PLCL1: variants seen among roughly 807,000 people sequenced by gnomAD.
PLCL1 encodes phospholipase C like 1 (inactive).
In PLCL1, 41 loss-of-function variants were observed where a neutral mutation model predicts 84.4. The observed-to-expected ratio is 0.49, with a 90% CI of 0.38 to 0.63. The LOEUF is 0.63. PLCL1 is among the 30% of genes least tolerant of loss of function. The pLI, the probability that PLCL1 is intolerant of heterozygous loss-of-function variation, is 0.00. For missense variants in PLCL1, 1,206 were observed against 1,367.8 expected, an observed-to-expected ratio of 0.88 and a Z score of 1.87; for synonymous variants, 490 against 488.3, an observed-to-expected ratio of 1.00 and a Z score of -0.05.
chr2:197,913,889 T>C (rs770247666), intron 1 of PLCL1, among the ~76,000 whole-genome samples: 3 of 152,042 alleles, frequency 2.0e-5, no homozygotes, highest in Non-Finnish European at 2.9e-5. Flanking sequence ...TTTATATATA[T>C]ATATATATTT....
At chr2:197,963,302 A>G (rs897025177) in intron 1 of PLCL1, among the ~76,000 whole-genome samples, 1 of 152,142 alleles carries the variant, frequency 6.6e-6, no homozygotes, top group African/African-American at 2.4e-5. Context: ...ATGATATCTC[A>G]TTGTAGTTTT....
intron 1 of PLCL1, among the ~76,000 whole-genome samples, chr2:197,875,405 G>T (rs150039993): frequency 8.1e-4 from 123 of 152,248 alleles, no homozygotes; most frequent in Admixed American, 2.0e-3. Context: ...GACATTTGTT[G>T]CTTTTGAAAG....
At chr2:197,920,672 G>C (rs1688683850) in intron 1 of PLCL1, among the ~76,000 whole-genome samples, 1 of 152,132 alleles carries the variant, frequency 6.6e-6, no homozygotes, top group Non-Finnish European at 1.5e-5. Context: ...AGTGTAAAAA[G>C]ATACACCTGC....
intron 1 of PLCL1, among the ~76,000 whole-genome samples, chr2:198,019,305 CA>C (rs1691077511): frequency 6.6e-6 from 1 of 152,080 alleles, no homozygotes; most frequent in Admixed American, 6.5e-5. Context: ...GTGAAAATTC[CA>C]AAAATCAGAA....
chr2:197,987,785 T>C (rs1166900062), intron 1 of PLCL1, among the ~76,000 whole-genome samples: 1 of 152,232 alleles, frequency 6.6e-6, no homozygotes, highest in African/African-American at 2.4e-5. Flanking sequence ...CTGCTATATA[T>C]TTTATATTTA....
At position 197,980,577 on chromosome 2, in the gene PLCL1, A is replaced by G. The variant is rs369557620; in HGVS notation, c.241-103181A>G. On this transcript the variant is annotated intron_variant, in intron 1 of 5. Transcript: ENST00000428675. ...ATATGAGTTCACTCAGCCATGTCTT[A>G]CTCATGGGTGAGAGAATATTGAAAT... Among the ~76,000 whole-genome samples, 15 of 152,286 alleles carry G rather than the reference A, an allele frequency of 9.8e-5. No individual in the cohort carries two copies. In the East Asian group the frequency reaches 2.9e-3, roughly 29 times the overall value.
intron 1 of PLCL1, among the ~76,000 whole-genome samples, chr2:197,921,729 G>A (rs1463056581): frequency 6.6e-6 from 1 of 152,074 alleles, no homozygotes; most frequent in African/African-American, 2.4e-5. Flanking sequence ...ACTTCTTTGA[G>A]TTTAATGTAC....
chr2:198,115,944 A>T (rs916785341), intron 5 of PLCL1, among the ~76,000 whole-genome samples: 65 of 147,884 alleles, frequency 4.4e-4, no homozygotes, highest in African/African-American at 1.5e-3. Context: ...ATTATTAAAT[A>T]TATAAAATAT....
intron 1 of PLCL1, among the ~76,000 whole-genome samples, chr2:197,906,540 T>TAC (rs1688385732): frequency 6.6e-6 from 1 of 152,200 alleles, no homozygotes; most frequent in Non-Finnish European, 1.5e-5. Context: ...GTCTTGGCTA[T>TAC]ACTGGCTCTT....
At chr2:197,990,678 A>G (rs550892743) in intron 1 of PLCL1, among the ~76,000 whole-genome samples, 21 of 152,196 alleles carry the variant, frequency 1.4e-4, no homozygotes, top group Non-Finnish European at 2.5e-4. Flanking sequence ...AGTCCCTCCC[A>G]TGACACATAA....
intron 1 of PLCL1, among the ~76,000 whole-genome samples, chr2:197,870,646 A>G (rs1464411707): frequency 2.0e-5 from 3 of 152,132 alleles, no homozygotes; most frequent in Non-Finnish European, 4.4e-5. Context: ...CTTGAACAGA[A>G]GAGAACTTTG....
intron 1 of PLCL1, among the ~76,000 whole-genome samples, chr2:197,862,187 A>G (rs1687445430): frequency 6.6e-6 from 1 of 152,198 alleles, no homozygotes; most frequent in Non-Finnish European, 1.5e-5. Context: ...ATGAGAATCA[A>G]CCAGGTTCTC....
In PLCL1 at chr2:197,805,356, C is replaced by A. The variant is rs936384913; in HGVS notation, c.240+17C>A. The A allele has an allele frequency of 1.6e-5, 22 of 1,338,638 alleles. No homozygotes were observed. The highest frequency in any genetic ancestry group is 2.1e-4 in the Middle Eastern group (1 of 4,876). The allele number at this position is 1,338,638 out of a possible 1,614,324, so 82.9% of individuals were successfully genotyped here. A position where few individuals can be genotyped will look rare whatever the true frequency, so the allele number is the denominator to read the frequency against. ...ATCATCAAGGTAAGCAAAGCCGCGC[C>A]GCACCGGGAGCGTGGCTGTGGGTGA... is the stretch of plus-strand genomic sequence containing the variant. On this transcript the variant is annotated intron_variant, in intron 1 of 5. Coordinates refer to ENST00000428675, the MANE Select transcript of PLCL1 (RefSeq NM_006226.4). This position sits in a 1 kb window ranked among gnomAD's most constrained non-coding sequence, Gnocchi z 4.0.
intron 1 of PLCL1, among the ~76,000 whole-genome samples, chr2:197,946,515 A>T (rs1199301968): frequency 6.6e-6 from 1 of 151,680 alleles, no homozygotes; most frequent in Non-Finnish European, 1.5e-5. Flanking sequence ...ATTAAAAACA[A>T]TTTTTTTTAT....
chr2:197,942,810 G>T (rs1324006169), intron 1 of PLCL1, among the ~76,000 whole-genome samples: 1 of 152,132 alleles, frequency 6.6e-6, no homozygotes, highest in East Asian at 1.9e-4. Flanking sequence ...TTTGATTATG[G>T]TATCTAATGA....
At chr2:198,058,493 C>T (rs1192621516) in intron 1 of PLCL1, among the ~76,000 whole-genome samples, 1 of 151,706 alleles carries the variant, frequency 6.6e-6, no homozygotes, top group Non-Finnish European at 1.5e-5. Flanking sequence ...TTAATAAGAT[C>T]AAATACATGC....
chr2:198,082,949 T>C (rs962045436), intron 1 of PLCL1, among the ~76,000 whole-genome samples: 12 of 152,174 alleles, frequency 7.9e-5, no homozygotes, highest in African/African-American at 2.9e-4. Flanking sequence ...TGGAATTCTG[T>C]AACACTAAGA....
In PLCL1 at chr2:198,026,288, G is replaced by C. The variant is rs116261283; in HGVS notation, c.241-57470G>C. Among the ~76,000 whole-genome samples the C allele has an allele frequency of 4.5e-3, 681 of 152,310 alleles. 5 individuals are homozygous for C. The highest frequency in any genetic ancestry group is 0.016 in the African/African-American group (653 of 41,570). On this transcript the variant is annotated intron_variant, in intron 1 of 5. Transcript: ENST00000428675. ...AACTAATATGCATATAACTTCTCAA[G>C]ATAGGGATGTAAAATGCTGGTTTTC...
chr2:197,937,408 A>G (rs903370429), intron 1 of PLCL1, among the ~76,000 whole-genome samples: 1 of 152,236 alleles, frequency 6.6e-6, no homozygotes, highest in Non-Finnish European at 1.5e-5. Context: ...ATCTATGCGC[A>G]TGGATAATCT....
Sources: allele counts gnomAD v4.1 joint callset (sites outside exome capture counted in the v4.1 genomes callset), GRCh38; gene constraint gnomAD v4.1.1; non-coding constraint Gnocchi (gnomAD v3.1); transcripts MANE v1.5; gene names NCBI Gene and HGNC (gene_info 2026-07-23, HGNC 2026-07-21).